Variants in UTS2B observed in about 807,000 individuals in gnomAD.
UTS2B encodes urotensin 2B.
In UTS2B, 21 loss-of-function variants were observed where a neutral mutation model predicts 19.2. That is an observed-to-expected ratio of 1.09 (90% CI 0.78 to 1.58). UTS2B has a LOEUF of 1.58. UTS2B is among the 40% of genes most tolerant of loss of function. The pLI is 0.00. For synonymous variants in UTS2B, 57 were observed against 50.2 expected (o/e 1.14, Z -0.58); for missense variants, 138 against 130.3 (o/e 1.06, Z -0.29).
Position 191,306,875 on chromosome 3 carries a change from G to A in UTS2B, c.-181-2327C>T, listed in dbSNP as rs144388465. On this transcript the variant is annotated intron_variant, in intron 3 of 8. Coordinates refer to ENST00000340524, the MANE Select transcript of UTS2B (RefSeq NM_198152.5). ...TTGAACTCCTGACCTCAAGTGATCC[G>A]CCTGCCTCAGCCTCCCAAAGTGCTG... Among the ~76,000 whole-genome samples the A allele has an allele frequency of 2.3e-3, 348 of 152,166 alleles. 4 individuals are homozygous for A. Among genetic ancestry groups the A allele is most frequent in the African/African-American group, 8.0e-3 (331 of 41,530 alleles).
Position 191,276,847 on chromosome 3 carries a change from G to A in UTS2B, c.203-3C>T. 6.2e-7 allele frequency: 1 copy of A among 1,610,302 alleles called. No homozygotes were observed. Among genetic ancestry groups the A allele is most frequent in the Non-Finnish European group, 8.5e-7 (1 of 1,178,474 alleles). The stretch of plus-strand genomic sequence containing the variant: ...CAGTTTGTTAGGTAAGGCTAGGTCT[G>A]CAAGACACATTTGTCACATGAAAAA... On this transcript the variant is annotated splice_polypyrimidine_tract_variant and splice_region_variant and intron_variant, in intron 6 of 8. Transcript: ENST00000340524.
chr3:191,336,608 C>T, the UTS2B span, among the ~76,000 whole-genome samples: 3 of 152,016 alleles, frequency 2.0e-5, no homozygotes, highest in African/African-American at 7.2e-5. Flanking sequence ...CTTTTAAAAA[C>T]CTTAGTTCAA....
intron 3 of UTS2B, among the ~76,000 whole-genome samples, chr3:191,309,822 T>A (rs1261425736): frequency 1.3e-5 from 2 of 152,214 alleles, no homozygotes; most frequent in African/African-American, 4.8e-5. Context: ...GCCATGATTA[T>A]AAGTTCCCTG....
intron 2 of UTS2B, among the ~76,000 whole-genome samples, chr3:191,319,038 A>G (rs1560147413): frequency 6.6e-6 from 1 of 152,174 alleles, no homozygotes; most frequent in Admixed American, 6.5e-5. Context: ...TAACTCTATC[A>G]TACGAGATGT....
chr3:191,342,078 A>C, the UTS2B span, among the ~76,000 whole-genome samples: 1 of 152,232 alleles, frequency 6.6e-6, no homozygotes, highest in African/African-American at 2.4e-5. Context: ...GTCAGTGAAC[A>C]TGACCAGTTA....
intron 8 of UTS2B, among the ~76,000 whole-genome samples, chr3:191,272,604 T>C (rs1716120214): frequency 6.6e-6 from 1 of 152,186 alleles, no homozygotes; most frequent in African/African-American, 2.4e-5. Flanking sequence ...CTCATGCCTG[T>C]AATCCCAGCA....
At chr3:191,343,372 A>G in the UTS2B span, among the ~76,000 whole-genome samples, 1 of 152,238 alleles carries the variant, frequency 6.6e-6, no homozygotes, top group Non-Finnish European at 1.5e-5. Context: ...TGTGCAATAA[A>G]TATTCACTGA....
intron 5 of UTS2B, among the ~76,000 whole-genome samples, chr3:191,280,107 T>C (rs1716343967): frequency 1.3e-5 from 2 of 152,170 alleles, no homozygotes; most frequent in African/African-American, 4.8e-5. Context: ...TACTGAATCT[T>C]AAGAAATTTA....
At chr3:191,283,733 A>T (rs1716455695) in intron 4 of UTS2B, among the ~76,000 whole-genome samples, 1 of 152,052 alleles carries the variant, frequency 6.6e-6, no homozygotes, top group Admixed American at 6.6e-5. Context: ...CCAGTTATAA[A>T]GCTATATGAG....
intron 4 of UTS2B, among the ~76,000 whole-genome samples, chr3:191,294,171 C>T (rs1020347973): frequency 6.6e-6 from 1 of 151,760 alleles, no homozygotes; most frequent in South Asian, 2.1e-4. Context: ...TTTGGTCCAG[C>T]CTGAGGATTT....
At chr3:191,278,786 A>G (rs763995109) in intron 5 of UTS2B, among the ~76,000 whole-genome samples, 1 of 152,030 alleles carries the variant, frequency 6.6e-6, no homozygotes, top group Non-Finnish European at 1.5e-5. Context: ...TGGAGTAGAA[A>G]TTGAGACAAG....
At chr3:191,278,620 C>T (rs16866431) in intron 5 of UTS2B, among the ~76,000 whole-genome samples, 22,926 of 151,728 alleles carry the variant, frequency 0.15, 2,788 homozygotes, top group African/African-American at 0.34. Flanking sequence ...GTTTGTGTTC[C>T]GGGAATTTCC....
chr3:191,315,176 A>C (rs74936206), intron 3 of UTS2B, among the ~76,000 whole-genome samples: 33,361 of 151,790 alleles, frequency 0.22, 4,000 homozygotes, highest in South Asian at 0.29. Flanking sequence ...CCATGCCCAG[A>C]CAATTTTTGT....
At chr3:191,281,811 G>A (rs950224258) in intron 5 of UTS2B, among the ~76,000 whole-genome samples, 2 of 151,362 alleles carry the variant, frequency 1.3e-5, no homozygotes, top group Non-Finnish European at 2.9e-5. Flanking sequence ...TGAGAAACAA[G>A]TGCCCCAATA....
chr3:191,329,326 C>T, intron 1 of UTS2B: 2 of 263,838 alleles, frequency 7.6e-6, no homozygotes, highest in East Asian at 8.4e-5. Context: ...CCTGCAGCTC[C>T]CCCTCCCCCA....
intron 3 of UTS2B, among the ~76,000 whole-genome samples, chr3:191,314,127 C>T (rs12494138): frequency 0.23 from 34,931 of 152,074 alleles, 4,247 homozygotes; most frequent in South Asian, 0.29. Flanking sequence ...CTTGAATTCC[C>T]TTCTGCACGA....
intron 2 of UTS2B, among the ~76,000 whole-genome samples, chr3:191,317,008 G>T (rs1317248700): frequency 6.6e-6 from 1 of 152,256 alleles, no homozygotes; most frequent in Non-Finnish European, 1.5e-5. Flanking sequence ...CGCACTGCGT[G>T]CCTGCACTCC....
intron 4 of UTS2B, among the ~76,000 whole-genome samples, chr3:191,297,913 C>G (rs987285795): frequency 6.6e-6 from 1 of 152,190 alleles, no homozygotes; most frequent in African/African-American, 2.4e-5. Flanking sequence ...TTCTTGGTCA[C>G]CTGCTTTAGA....
At chr3:191,328,214 A>G (rs1214651429) in intron 2 of UTS2B, 2 of 152,164 alleles carry the variant, frequency 1.3e-5, no homozygotes, top group Non-Finnish European at 2.9e-5. Flanking sequence ...GTGGCCTCTC[A>G]TACTGGGACT....
Sources: allele counts gnomAD v4.1 joint callset (sites outside exome capture counted in the v4.1 genomes callset), GRCh38; gene constraint gnomAD v4.1.1; transcripts MANE v1.5; gene names NCBI Gene and HGNC (gene_info 2026-07-23, HGNC 2026-07-21).